AUTS2: variants seen among roughly 807,000 people sequenced by gnomAD.
AUTS2 encodes autism susceptibility gene 2 protein.
Under a neutral mutation model 112.4 loss-of-function variants are expected in AUTS2, and 17 were observed. The observed-to-expected ratio is 0.15, with a 90% CI of 0.10 to 0.23. The LOEUF (loss-of-function observed/expected upper bound fraction) is 0.23. Among genes scored for constraint, AUTS2 ranks in the 10% least tolerant of loss-of-function variants. AUTS2 has a pLI of 1.00. For synonymous variants in AUTS2, 751 were observed against 702.7 expected (o/e 1.07, Z -1.09); for missense variants, 1,510 against 1,701.6 (o/e 0.89, Z 1.98).
chr7:69,918,515 C>G (rs1297512701), intron 2 of AUTS2, among the ~76,000 whole-genome samples: 2 of 152,140 alleles, frequency 1.3e-5, no homozygotes, highest in African/African-American at 2.4e-5. Context: ...ATGATATGAA[C>G]TTTGTCATTC....
Position 70,255,800 on chromosome 7 carries a change from G to A in AUTS2, c.660+121229G>A, listed in dbSNP as rs537998864. Among the ~76,000 whole-genome samples the A allele has an allele frequency of 1.7e-4, 26 of 152,152 alleles. No individual in the cohort carries two copies. In the South Asian group the frequency reaches 3.7e-3, roughly 22 times the overall value. ...TCAAAAGCACTATTGACCTTGTGTTGTTAAAACTAAAAATGTAAGAACAAA... is the reference window on the plus strand; with the variant it reads ...TCAAAAGCACTATTGACCTTGTGTTATTAAAACTAAAAATGTAAGAACAAA... On this transcript the variant is annotated intron_variant, in intron 4 of 18. Transcript: ENST00000342771.
chr7:70,525,183 C>T (rs537640033), intron 5 of AUTS2, among the ~76,000 whole-genome samples: 214 of 152,336 alleles, frequency 1.4e-3, no homozygotes, highest in African/African-American at 4.9e-3. Context: ...TCCTGAGGCA[C>T]GCCTTCAGCT....
intron 2 of AUTS2, among the ~76,000 whole-genome samples, chr7:70,060,710 C>A (rs983429861): frequency 6.6e-6 from 1 of 152,272 alleles, no homozygotes; most frequent in East Asian, 1.9e-4. Flanking sequence ...GCAAAACTTC[C>A]GGCATGGAAG....
intron 2 of AUTS2, among the ~76,000 whole-genome samples, chr7:69,920,773 T>C (rs1795778726): frequency 6.6e-6 from 1 of 152,232 alleles, no homozygotes; most frequent in African/African-American, 2.4e-5. Context: ...CTCTTCCAGG[T>C]AGCTCTCTTT....
At chr7:70,717,597 TGATA>T (rs1466853290) in intron 6 of AUTS2, among the ~76,000 whole-genome samples, 1 of 152,162 alleles carries the variant, frequency 6.6e-6, no homozygotes, top group Non-Finnish European at 1.5e-5. Flanking sequence ...TTAAAAAGCG[TGATA>T]GATAGGCCAA....
At chr7:70,314,607 T>C (rs1048955677) in intron 4 of AUTS2, among the ~76,000 whole-genome samples, 2 of 152,224 alleles carry the variant, frequency 1.3e-5, no homozygotes, top group African/African-American at 2.4e-5. Flanking sequence ...TAGATTTTTT[T>C]CCTCTCATCT....
intron 5 of AUTS2, among the ~76,000 whole-genome samples, chr7:70,665,117 CT>C (rs1356662469): frequency 6.6e-6 from 1 of 152,122 alleles, no homozygotes; most frequent in African/African-American, 2.4e-5. Flanking sequence ...AATTTTTGTC[CT>C]TCCAAACAAC....
At chr7:70,262,356 A>T (rs2129607393) in intron 4 of AUTS2, among the ~76,000 whole-genome samples, 1 of 152,038 alleles carries the variant, frequency 6.6e-6, no homozygotes, top group African/African-American at 2.4e-5. Context: ...CACCCAACCA[A>T]TTTTTGTATT....
intron 4 of AUTS2, among the ~76,000 whole-genome samples, chr7:70,305,174 A>G (rs576638161): frequency 1.3e-5 from 2 of 152,120 alleles, no homozygotes; most frequent in Non-Finnish European, 2.9e-5. Context: ...CATCATTATT[A>G]TGAATAATGG....
At chr7:69,760,779 C>T (rs925219094) in intron 1 of AUTS2, among the ~76,000 whole-genome samples, 1 of 152,174 alleles carries the variant, frequency 6.6e-6, no homozygotes, top group African/African-American at 2.4e-5. Flanking sequence ...GAGATCGTGC[C>T]ACTGCACTCC....
chr7:70,597,878 G>T (rs1309056832), intron 5 of AUTS2, among the ~76,000 whole-genome samples: 2 of 152,066 alleles, frequency 1.3e-5, no homozygotes, highest in Admixed American at 1.3e-4. Context: ...TTGCTTACAC[G>T]AGGTCTAGAT....
intron 1 of AUTS2, among the ~76,000 whole-genome samples, chr7:69,765,564 G>T (rs538997423): frequency 1.3e-5 from 2 of 152,244 alleles, no homozygotes; most frequent in Admixed American, 1.3e-4. Flanking sequence ...TGGTCCTCCT[G>T]CCTTGACCTC....
intron 4 of AUTS2, among the ~76,000 whole-genome samples, chr7:70,365,867 T>G (rs1452404917): frequency 6.6e-6 from 1 of 152,194 alleles, no homozygotes; most frequent in Non-Finnish European, 1.5e-5. Context: ...CAGGGCAACC[T>G]GGAAAGGAGT....
rs1387264630 is a variant in AUTS2, at chr7:70,260,626, TTTCAACACGAG to T, written c.660+126058_660+126068del. On this transcript the variant is annotated intron_variant, in intron 4 of 18. Transcript: ENST00000342771. ...CAATATTGCTGCATTGGAGATTAAG[TTTCAACACGAG>T]TTTTGGAGGGGGCATTTAAACGATA... 2.0e-5 allele frequency among the ~76,000 whole-genome samples: 3 copies of T among 152,144 alleles called. No individual in the cohort carries two copies. In the South Asian group the frequency reaches 6.2e-4, roughly 32 times the overall value.
intron 2 of AUTS2, among the ~76,000 whole-genome samples, chr7:69,987,759 C>T (rs1250984564): frequency 6.6e-6 from 1 of 152,200 alleles, no homozygotes. Context: ...GATGAGCCAC[C>T]ATGTCCGGAC....
At chr7:70,167,611 G>C (rs1808452417) in intron 4 of AUTS2, among the ~76,000 whole-genome samples, 1 of 152,006 alleles carries the variant, frequency 6.6e-6, no homozygotes, top group South Asian at 2.1e-4. Flanking sequence ...GCAAAATACA[G>C]TTTTTTGTCC....
chr7:69,977,829 A>G (rs1798122867), intron 2 of AUTS2, among the ~76,000 whole-genome samples: 1 of 152,210 alleles, frequency 6.6e-6, no homozygotes, highest in South Asian at 2.1e-4. Flanking sequence ...TATGAGACCT[A>G]TAAAATGAAA....
In AUTS2 at chr7:70,106,616, A is replaced by G. The variant is rs187006498; in HGVS notation, c.523-11516A>G. 3.3e-3 allele frequency among the ~76,000 whole-genome samples: 495 copies of G among 152,228 alleles called. 1 individual carries two copies. The highest frequency in any genetic ancestry group is 0.01 in the Middle Eastern group (3 of 294). On this transcript the variant is annotated intron_variant, in intron 2 of 18. Coordinates refer to ENST00000342771, the MANE Select transcript of AUTS2 (RefSeq NM_015570.4). Reference sequence around the variant, plus strand: ...ACACTTGTAGTCCCAGCTACTGGGGAGACTGAGGTGGGAGGATCACTTTAG... The same window carrying G: ...ACACTTGTAGTCCCAGCTACTGGGGGGACTGAGGTGGGAGGATCACTTTAG...
In AUTS2 at chr7:69,696,992, A is replaced by G. The variant is rs146680930; in HGVS notation, c.309+97030A>G. On this transcript the variant is annotated intron_variant, in intron 1 of 18. Coordinates refer to ENST00000342771, the MANE Select transcript of AUTS2 (RefSeq NM_015570.4). Reference sequence around the variant, plus strand: ...TATCTTATTCAGTTGTCTCACTTCTAAGGGATAGGTTAGGAAGCTGTAACG... The same window carrying G: ...TATCTTATTCAGTTGTCTCACTTCTGAGGGATAGGTTAGGAAGCTGTAACG... Among the ~76,000 whole-genome samples the G allele has an allele frequency of 2.9e-3, 440 of 152,352 alleles. 2 individuals carry two copies. The highest frequency in any genetic ancestry group is 9.8e-3 in the African/African-American group (408 of 41,584).
Sources: allele counts gnomAD v4.1 joint callset (sites outside exome capture counted in the v4.1 genomes callset), GRCh38; gene constraint gnomAD v4.1.1; transcripts MANE v1.5; gene names NCBI Gene and HGNC (gene_info 2026-07-23, HGNC 2026-07-21).